Variants in TBX19 observed in about 807,000 individuals in gnomAD.
The protein encoded by TBX19 is T-box transcription factor TBX19.
Under a neutral mutation model 40.9 loss-of-function variants are expected in TBX19, and 33 were observed. The ratio of observed to expected loss-of-function variants is 0.81; its 90% CI spans 0.61 to 1.08. The LOEUF (loss-of-function observed/expected upper bound fraction) is 1.08. Ranked by LOEUF, TBX19 falls within the 50% of genes least tolerant of loss-of-function variation. The pLI is 0.00. For missense variants in TBX19, 494 were observed against 574.0 expected (o/e 0.86, Z 1.42); for synonymous variants, 220 against 225.0 (o/e 0.98, Z 0.20).
rs756576016 is a variant in TBX19 at position 168,312,956 on chromosome 1, G to A, written c.1301G>A (p.Gly434Asp). The stretch of plus-strand genomic sequence containing the variant: ...TCGCATCCCTTCGCGGGCTGGGGTG[G>A]CCCAGGAGCGGGTGGGCACCATTCT... Reference protein sequence around the residue: ...VASHPFAGWGGPGAGGHHSPS... With the variant: ...VASHPFAGWGDPGAGGHHSPS... The change falls in exon 8 of 8, where the codon GGC (glycine) becomes GAC (aspartate). Residue 434 changes from glycine to aspartate, a missense_variant. By Grantham distance (94) the Gly-to-Asp change is moderately conservative. Around this residue, in one of 3 missense-constraint regions of TBX19, gnomAD observed 284 missense variants for 307.3 expected, o/e 0.92. Transcript: ENST00000367821. The A allele has an allele frequency of 2.5e-6, 4 of 1,614,108 alleles. No individual in the cohort carries two copies. The highest frequency in any genetic ancestry group is 2.7e-5 in the African/African-American group (2 of 74,934).
intron 5 of TBX19, 125 bp from the exon 6 acceptor site, chr1:168,304,883 C>T: frequency 1.0e-6 from 1 of 982,468 alleles, no homozygotes; most frequent in South Asian, 1.3e-5. Context: ...CAGGCTGGCA[C>T]CATCACACAG....
At chr1:168,294,490 C>T (rs747927294) in intron 3 of TBX19, among the ~76,000 whole-genome samples, 2 of 151,580 alleles carry the variant, frequency 1.3e-5, no homozygotes, top group Non-Finnish European at 2.9e-5. Flanking sequence ...CCTGCCACCA[C>T]GCCTGGCTAA....
At chr1:168,309,589 GT>G (rs1263031777) in intron 7 of TBX19, among the ~76,000 whole-genome samples, 1 of 152,136 alleles carries the variant, frequency 6.6e-6, no homozygotes, top group Non-Finnish European at 1.5e-5. Context: ...GGGACATATT[GT>G]GGATGCCTGG....
intron 6 of TBX19, 83 bp from the exon 7 acceptor site, chr1:168,308,658 AT>A: frequency 1.3e-6 from 2 of 1,545,964 alleles, no homozygotes; most frequent in Non-Finnish European, 1.8e-6. Flanking sequence ...CCATGGTTAT[AT>A]TTTGCCCTAG....
Position 168,308,050 on chromosome 1 carries a change from TC to T in TBX19, c.917-691del, listed in dbSNP as rs1415386418. ...CCACCCCTGGTAACCACTGTTGTACTCTCAGCTTCTATGTATTCAACTTTCT... is the reference window on the plus strand; with the variant it reads ...CCACCCCTGGTAACCACTGTTGTACTTCAGCTTCTATGTATTCAACTTTCT... On this transcript the variant is annotated intron_variant, in intron 6 of 7. Transcript: ENST00000367821. 3 of 152,624 alleles carry T rather than the reference TC, an allele frequency of 2.0e-5. No individual in the cohort carries two copies. In the East Asian group the frequency reaches 5.8e-4, roughly 29 times the overall value. 9.5% of individuals were successfully genotyped at this position (152,624 alleles called of 1,614,324 possible).
chr1:168,285,847 A>G (rs192189188), intron 1 of TBX19, among the ~76,000 whole-genome samples: 10 of 152,316 alleles, frequency 6.6e-5, no homozygotes, highest in African/African-American at 2.4e-4. Flanking sequence ...AGTGGTAATC[A>G]CAGATCAATT....
At chr1:168,300,506 G>A (rs373888407) in intron 5 of TBX19, 23 bp downstream of exon 5, 29 of 1,612,522 alleles carry the variant, frequency 1.8e-5, no homozygotes, top group African/African-American at 2.7e-5. Flanking sequence ...TACATGAGGC[G>A]GGAGGTGCGT....
At chr1:168,300,526 C>G (rs762729926) in intron 5 of TBX19, 43 bp downstream of exon 5, 4 of 1,581,500 alleles carry the variant, frequency 2.5e-6, no homozygotes, top group Non-Finnish European at 3.5e-6. Context: ...TGGGGCTGTA[C>G]CTGGAGCCAG....
intron 7 of TBX19, among the ~76,000 whole-genome samples, chr1:168,311,787 A>C (rs752674955): frequency 6.6e-6 from 1 of 152,192 alleles, no homozygotes. Flanking sequence ...ACCTGTTCCA[A>C]CTGCATCTAT....
At chr1:168,292,818 A>G (rs12044763) in intron 2 of TBX19, among the ~76,000 whole-genome samples, 6 of 146,684 alleles carry the variant, frequency 4.1e-5, no homozygotes, top group South Asian at 4.4e-4. Context: ...GAGCTGAGAT[A>G]GCGCCACTGC....
intron 6 of TBX19, 39 bp from the exon 7 acceptor site, chr1:168,308,703 T>C (rs1396162461): frequency 4.3e-6 from 7 of 1,614,010 alleles, no homozygotes; most frequent in Non-Finnish European, 5.9e-6. Context: ...TTATGTCTTC[T>C]ACATTTGCTA....
At chr1:168,301,492 A>G (rs568363025) in intron 5 of TBX19, among the ~76,000 whole-genome samples, 107 of 152,124 alleles carry the variant, frequency 7.0e-4, no homozygotes, top group Non-Finnish European at 1.2e-3. Context: ...TGAACTCCTG[A>G]CCTTGTGATC....
chr1:168,298,014 G>A (rs1228150799), intron 4 of TBX19, among the ~76,000 whole-genome samples: 1 of 152,102 alleles, frequency 6.6e-6, no homozygotes, highest in Non-Finnish European at 1.5e-5. Context: ...GGCTAACATG[G>A]TGAAACCCCG....
chr1:168,303,876 G>T (rs1490733999), intron 5 of TBX19, among the ~76,000 whole-genome samples: 1 of 152,098 alleles, frequency 6.6e-6, no homozygotes. Context: ...ATTATGATTC[G>T]CATATAACTA....
rs1000454449 is a variant in TBX19, at chr1:168,300,309, G to C, written c.666-113G>C. The C allele has an allele frequency of 1.9e-5, 18 of 967,664 alleles. No homozygotes were observed. The South Asian group carries it at 2.1e-4, about 11-fold the overall frequency. 59.9% of individuals were successfully genotyped at this position (967,664 alleles called of 1,614,324 possible). On this transcript the variant is annotated intron_variant, in intron 4 of 7. Coordinates refer to ENST00000367821, the MANE Select transcript of TBX19 (RefSeq NM_005149.3). ...ACAGGAGCTTAGGAAAAAGGTGTTT[G>C]GTTTTCTTATTCTAAGAAATTGATT...
chr1:168,308,635 C>T (rs1386413242), intron 6 of TBX19, 107 bp from the exon 7 acceptor site: 1 of 1,366,432 alleles, frequency 7.3e-7, no homozygotes, highest in Non-Finnish European at 1.0e-6. Context: ...ACTGTTGGTG[C>T]CTGTAGTGCA....
intron 7 of TBX19, among the ~76,000 whole-genome samples, chr1:168,309,526 G>A (rs1649477128): frequency 6.6e-6 from 1 of 152,160 alleles, no homozygotes. Flanking sequence ...TATACACTGA[G>A]AAGTCAAGAC....
At chr1:168,308,101 A>G (rs1649444725) in intron 6 of TBX19, 1 of 152,622 alleles carries the variant, frequency 6.6e-6, no homozygotes, top group African/African-American at 2.4e-5. Flanking sequence ...AAGTGAGATC[A>G]TATTATGTTC....
intron 6 of TBX19, among the ~76,000 whole-genome samples, chr1:168,307,139 A>AT (rs761727718): frequency 1.5e-3 from 226 of 152,072 alleles, no homozygotes; most frequent in Non-Finnish European, 2.7e-3. Flanking sequence ...GTGGGGACAG[A>AT]TGGAAGATGT....
Sources: gnomAD v4.1 joint callset for allele counts (sites outside exome capture counted in the v4.1 genomes callset) on GRCh38, gnomAD v4.1.1 for gene constraint, gnomAD v4.1.1 regional missense constraint, MANE v1.5 for transcripts, NCBI Gene and HGNC (gene_info 2026-07-23, HGNC 2026-07-21) for gene names.